The following NKAIN2 variants were observed in gnomAD, a reference collection of about 807,000 sequenced individuals.
NKAIN2 encodes sodium/potassium-transporting ATPase subunit beta-1-interacting protein 2.
Under a neutral mutation model 32.6 loss-of-function variants are expected in NKAIN2, and 14 were observed. That is an observed-to-expected ratio of 0.43 (90% confidence interval 0.28 to 0.67). The LOEUF (loss-of-function observed/expected upper bound fraction) is 0.67. Among genes scored for constraint, NKAIN2 ranks in the 30% least tolerant of loss-of-function variants. The pLI, the probability that NKAIN2 is intolerant of heterozygous loss-of-function variation, is 0.17. For synonymous variants in NKAIN2, 80 were observed against 87.2 expected (o/e 0.92, Z 0.46); for missense variants, 198 against 258.3 (o/e 0.77, Z 1.60).
chr6:124,344,830 C>T (rs1004944567), intron 2 of NKAIN2, among the ~76,000 whole-genome samples: 2 of 152,170 alleles, frequency 1.3e-5, no homozygotes, highest in African/African-American at 4.8e-5. Context: ...TTATTTCCTT[C>T]TACTGCCTGA....
At chr6:123,902,481 T>C (rs1166886315) in intron 1 of NKAIN2, among the ~76,000 whole-genome samples, 1 of 152,208 alleles carries the variant, frequency 6.6e-6, no homozygotes, top group Non-Finnish European at 1.5e-5. Context: ...AAAAGTTGCA[T>C]GACTATTTTC....
At chr6:124,576,637 TATC>T (rs978084626) in intron 3 of NKAIN2, among the ~76,000 whole-genome samples, 5 of 152,206 alleles carry the variant, frequency 3.3e-5, no homozygotes, top group African/African-American at 9.6e-5. Context: ...AATTTCAAAA[TATC>T]ATGCCTTGGC....
At chr6:124,641,382 T>C (rs1386121255) in intron 3 of NKAIN2, among the ~76,000 whole-genome samples, 1 of 152,054 alleles carries the variant, frequency 6.6e-6, no homozygotes, top group Admixed American at 6.6e-5. Context: ...ATAATGGCCT[T>C]TGTTGGTACA....
chr6:123,898,237 G>A (rs568730929), intron 1 of NKAIN2, among the ~76,000 whole-genome samples: 2 of 152,138 alleles, frequency 1.3e-5, no homozygotes, highest in South Asian at 2.1e-4. Context: ...TTGAAGTCCA[G>A]GATTTTACTT....
At chr6:124,574,689 T>A (rs531487593) in intron 3 of NKAIN2, among the ~76,000 whole-genome samples, 23 of 152,288 alleles carry the variant, frequency 1.5e-4, no homozygotes, top group Non-Finnish European at 4.4e-5. Flanking sequence ...TCTATGGACT[T>A]CAGAGTCTGA....
intron 3 of NKAIN2, among the ~76,000 whole-genome samples, chr6:124,439,773 A>C (rs1775613444): frequency 6.6e-6 from 1 of 152,022 alleles, no homozygotes; most frequent in Non-Finnish European, 1.5e-5. Flanking sequence ...TTAGAGATAT[A>C]AAAATGTGAA....
intron 1 of NKAIN2, among the ~76,000 whole-genome samples, chr6:123,925,668 G>A (rs755189775): frequency 6.6e-6 from 1 of 152,222 alleles, no homozygotes; most frequent in South Asian, 2.1e-4. Context: ...TTCTGAAATC[G>A]TTACTCTGAC....
intron 3 of NKAIN2, among the ~76,000 whole-genome samples, chr6:124,522,817 T>C (rs909450515): frequency 1.3e-5 from 2 of 152,088 alleles, no homozygotes; most frequent in African/African-American, 4.8e-5. Context: ...AAAGGGTATA[T>C]ATGTTTTATG....
intron 1 of NKAIN2, among the ~76,000 whole-genome samples, chr6:124,028,563 A>G (rs548667532): frequency 1.3e-5 from 2 of 151,786 alleles, no homozygotes; most frequent in East Asian, 3.9e-4. Context: ...AAAAAAGGAA[A>G]TGGACTATGG....
chr6:123,804,840 T>G (rs1392909847), intron 1 of NKAIN2, among the ~76,000 whole-genome samples: 1 of 152,168 alleles, frequency 6.6e-6, no homozygotes, highest in Non-Finnish European at 1.5e-5. Flanking sequence ...ACAAAAATAC[T>G]TAGGTGAACT....
chr6:124,312,173 G>GA (rs990809914), intron 2 of NKAIN2, among the ~76,000 whole-genome samples: 1 of 152,176 alleles, frequency 6.6e-6, no homozygotes, highest in South Asian at 2.1e-4. Flanking sequence ...CAGTGTGAGT[G>GA]AAAAAAACAC....
Position 124,347,921 on chromosome 6 carries a change from G to T in NKAIN2, c.193-7346G>T, listed in dbSNP as rs1268348363. Among the ~76,000 whole-genome samples, 4 of 152,316 alleles carry T rather than the reference G, an allele frequency of 2.6e-5. No homozygotes were observed. The East Asian group carries it at 7.7e-4, about 29-fold the overall frequency. ...AGGAGGAGAGGCGCTCTGCTTTTTA[G>T]AGTTTCCAGTTTTTCTGCTCTGTTT... On this transcript the variant is annotated intron_variant, in intron 2 of 6. Transcript: ENST00000368417.
chr6:124,257,576 A>G (rs9491100), intron 1 of NKAIN2, among the ~76,000 whole-genome samples: 13,035 of 152,132 alleles, frequency 0.086, 1,199 homozygotes, highest in African/African-American at 0.22. Context: ...TTGAAATACA[A>G]CATAACCTAA....
At chr6:124,676,968 T>C (rs540680605) in intron 4 of NKAIN2, among the ~76,000 whole-genome samples, 2 of 152,120 alleles carry the variant, frequency 1.3e-5, no homozygotes, top group South Asian at 4.1e-4. Context: ...TTGTTGTCGT[T>C]GTTGTTGTTT....
intron 2 of NKAIN2, among the ~76,000 whole-genome samples, chr6:124,348,966 G>T (rs1583098238): frequency 6.6e-6 from 1 of 152,172 alleles, no homozygotes; most frequent in African/African-American, 2.4e-5. Flanking sequence ...GGCTCGGAGG[G>T]TCCTATGCCC....
In NKAIN2 at chr6:124,818,445, T is replaced by G; in HGVS notation, c.594T>G (p.His198Gln). Reference sequence around the variant, plus strand: ...ATCAAGGGCCTCAGAAGACATCTCATTTACAACTACAGCCTATGTACATGT... The same window carrying G: ...ATCAAGGGCCTCAGAAGACATCTCAGTTACAACTACAGCCTATGTACATGT... ...YGYQGPQKTSHLQLQPMYMSK is the reference protein window; with the variant it reads ...YGYQGPQKTSQLQLQPMYMSK The change falls in exon 6 of 7, where the codon CAT becomes CAG. Residue 198 changes from histidine to glutamine, a missense_variant. Coordinates refer to ENST00000368417, the MANE Select transcript of NKAIN2 (RefSeq NM_001040214.3). The G allele has an allele frequency of 6.3e-7, 1 of 1,592,554 alleles. No individual in the cohort carries two copies.
chr6:124,036,101 C>T (rs1781594197), intron 1 of NKAIN2, among the ~76,000 whole-genome samples: 1 of 152,076 alleles, frequency 6.6e-6, no homozygotes, highest in South Asian at 2.1e-4. Flanking sequence ...TGTTATGCCT[C>T]AACCCACATG....
chr6:123,862,011 C>T (rs1021149523), intron 1 of NKAIN2, among the ~76,000 whole-genome samples: 1 of 152,082 alleles, frequency 6.6e-6, no homozygotes, highest in African/African-American at 2.4e-5. Flanking sequence ...AATATATTTT[C>T]GTTATCATTA....
intron 3 of NKAIN2, among the ~76,000 whole-genome samples, chr6:124,357,504 C>G (rs988129963): frequency 2.0e-5 from 3 of 151,556 alleles, no homozygotes; most frequent in Non-Finnish European, 4.4e-5. Context: ...GAATGTAAAC[C>G]ATTGTTTTTC....
Sources: gnomAD v4.1 joint callset for allele counts (sites outside exome capture counted in the v4.1 genomes callset) on GRCh38, gnomAD v4.1.1 for gene constraint, MANE v1.5 for transcripts, NCBI Gene and HGNC (gene_info 2026-07-23, HGNC 2026-07-21) for gene names.